The following HECW2 variants were observed in gnomAD, a reference collection of about 807,000 sequenced individuals.
HECW2 encodes E3 ubiquitin-protein ligase HECW2.
In HECW2, 61 loss-of-function variants were observed where a neutral mutation model predicts 175.2. The ratio of observed to expected loss-of-function variants is 0.35; its 90% CI spans 0.28 to 0.43. The LOEUF (loss-of-function observed/expected upper bound fraction) is 0.43. HECW2 is among the 20% of genes least tolerant of loss of function. The pLI, the probability that HECW2 is intolerant of heterozygous loss-of-function variation, is 1.00. For missense variants in HECW2, 1,524 were observed against 2,000.5 expected (o/e 0.76, Z 4.54); for synonymous variants, 671 against 731.0 (o/e 0.92, Z 1.32).
intron 14 of HECW2, among the ~76,000 whole-genome samples, chr2:196,287,637 T>A (rs1232594082): frequency 6.6e-6 from 1 of 152,252 alleles, no homozygotes; most frequent in Non-Finnish European, 1.5e-5. Context: ...TTTCTCATTA[T>A]CCAAGTCATC....
intron 1 of HECW2, among the ~76,000 whole-genome samples, chr2:196,569,207 T>C (rs1690289126): frequency 6.6e-6 from 1 of 152,122 alleles, no homozygotes; most frequent in African/African-American, 2.4e-5. Flanking sequence ...CTAGGCATGG[T>C]GGTACACATC....
At chr2:196,405,283 C>A (rs903659819) in intron 2 of HECW2, among the ~76,000 whole-genome samples, 2 of 152,106 alleles carry the variant, frequency 1.3e-5, no homozygotes, top group Non-Finnish European at 2.9e-5. Flanking sequence ...CACAAGCATG[C>A]TCATGAGTCT....
intron 2 of HECW2, among the ~76,000 whole-genome samples, chr2:196,389,612 A>G (rs1694448895): frequency 6.6e-6 from 1 of 152,206 alleles, no homozygotes; most frequent in African/African-American, 2.4e-5. Flanking sequence ...CTGCCTCTGC[A>G]AGAGTCTTGA....
intron 15 of HECW2, 122 bp downstream of exon 15, chr2:196,278,406 A>T: frequency 9.1e-7 from 1 of 1,099,978 alleles, no homozygotes; most frequent in Non-Finnish European, 1.3e-6. Context: ...TCAGCCTCTA[A>T]ATCAAACTCA....
chr2:196,345,517 C>T, intron 2 of HECW2, among the ~76,000 whole-genome samples: 1 of 152,322 alleles, frequency 6.6e-6, no homozygotes, highest in South Asian at 2.1e-4. Context: ...TTTTGCTCTT[C>T]CCTGTCCCCT....
intron 2 of HECW2, among the ~76,000 whole-genome samples, chr2:196,389,989 T>A (rs1201506066): frequency 1.3e-5 from 2 of 152,178 alleles, no homozygotes; most frequent in African/African-American, 4.8e-5. Context: ...GTTCAGGACC[T>A]CTTTAGATAC....
chr2:196,460,486 CTTT>C (rs3082153), intron 1 of HECW2, among the ~76,000 whole-genome samples: 3,944 of 142,918 alleles, frequency 0.028, 168 homozygotes, highest in African/African-American at 0.086. Context: ...CCGATTAAAC[CTTT>C]TTTTTTTTTT....
chr2:196,343,143 G>A (rs1692824177), intron 3 of HECW2, among the ~76,000 whole-genome samples: 1 of 151,912 alleles, frequency 6.6e-6, no homozygotes, highest in African/African-American at 2.4e-5. Context: ...ATCCACGGGG[G>A]ATTCGTTCCA....
chr2:196,359,134 T>G (rs1475489281), intron 2 of HECW2, among the ~76,000 whole-genome samples: 1 of 152,132 alleles, frequency 6.6e-6, no homozygotes, highest in African/African-American at 2.4e-5. Flanking sequence ...ACACCCTCCT[T>G]TCTTTCCTCT....
At chr2:196,224,090 TGATGGGGTAGAGTAGA>T (rs1248431091) in intron 23 of HECW2, among the ~76,000 whole-genome samples, 1 of 152,094 alleles carries the variant, frequency 6.6e-6, no homozygotes, top group Non-Finnish European at 1.5e-5. Context: ...ACCCTGGGAA[TGATGGGGTAGAGTAGA>T]GATGGGGAAG....
chr2:196,320,567 G>C (rs1437628454), intron 7 of HECW2, 128 bp from the exon 8 acceptor site: 1 of 578,254 alleles, frequency 1.7e-6, no homozygotes, highest in Admixed American at 2.6e-5. Context: ...AACATTAAAG[G>C]CTCAAAGCCC....
chr2:196,580,803 G>A (rs974969928), intron 1 of HECW2, among the ~76,000 whole-genome samples: 1 of 152,034 alleles, frequency 6.6e-6, no homozygotes, highest in Non-Finnish European at 1.5e-5. Context: ...CTATATATAT[G>A]CAAAAGAACT....
At chr2:196,364,997 T>C (rs558881505) in intron 2 of HECW2, among the ~76,000 whole-genome samples, 5 of 152,292 alleles carry the variant, frequency 3.3e-5, no homozygotes, top group Non-Finnish European at 7.4e-5. Flanking sequence ...ATGGAAATTA[T>C]CCCCCAATTA....
Position 196,245,108 on chromosome 2 carries a change from T to C in HECW2, c.3530-2904A>G, listed in dbSNP as rs575167861. On this transcript the variant is annotated intron_variant, in intron 19 of 28. Coordinates refer to ENST00000644978, the MANE Select transcript of HECW2 (RefSeq NM_001348768.2). ...GAGTGACTCAGAGAAACATCTACAATGTGAAATATGCACTGGGAAAAGAAT... is the reference window on the plus strand; with the variant it reads ...GAGTGACTCAGAGAAACATCTACAACGTGAAATATGCACTGGGAAAAGAAT... 7.9e-5 allele frequency among the ~76,000 whole-genome samples: 12 copies of C among 152,280 alleles called. No homozygotes were observed. The South Asian group carries it at 2.3e-3, about 29-fold the overall frequency.
Position 196,433,033 on chromosome 2 carries a change from T to A in HECW2, c.292+99A>T, listed in dbSNP as rs1472464215. ...AGAATCTGCTATGTGTATATGTGCATGTGAATTTTTTTCCAGAAGAAAATA... is the reference window on the plus strand; with the variant it reads ...AGAATCTGCTATGTGTATATGTGCAAGTGAATTTTTTTCCAGAAGAAAATA... On this transcript the variant is annotated intron_variant, in intron 2 of 28. Transcript: ENST00000644978. 3 of 1,099,480 alleles carry A rather than the reference T, an allele frequency of 2.7e-6. No homozygotes were observed. In the East Asian group the frequency reaches 7.2e-5, roughly 26 times the overall value. The allele number at this position is 1,099,480 out of a possible 1,614,324, so 68.1% of individuals were successfully genotyped here. A position where few individuals can be genotyped will look rare whatever the true frequency, so the allele number is the denominator to read the frequency against.
At chr2:196,411,089 C>G (rs2125227244) in intron 2 of HECW2, among the ~76,000 whole-genome samples, 1 of 152,366 alleles carries the variant, frequency 6.6e-6, no homozygotes, top group East Asian at 1.9e-4. Flanking sequence ...GCCTTGACCT[C>G]TCAGGCTCAA....
chr2:196,380,050 G>A (rs1193933243), intron 2 of HECW2, among the ~76,000 whole-genome samples: 3 of 152,168 alleles, frequency 2.0e-5, no homozygotes, highest in African/African-American at 7.2e-5. Context: ...ATAATATTAA[G>A]CATAATAAAG....
Position 196,319,152 on chromosome 2 carries a change from C to A in HECW2, c.1738G>T (p.Ala580Ser). ...GATGCATCGGAAGTCCCTGTGTCTG[C>A]GCCACTTGTGGGCTGATCTACCTCT... ...SQEVDQPTSG[A>S]DTGTSDASGG... Residue 580 changes from alanine to serine, a missense_variant, in exon 9 of 29, where the codon GCA becomes TCA. By Grantham distance (99) the Ala-to-Ser change is moderately conservative (BLOSUM62 1). This residue lies in a region of HECW2 where 604 missense variants were observed against 588.3 expected (regional missense o/e 1.03). Transcript: ENST00000644978. The A allele has an allele frequency of 6.3e-7, 1 of 1,593,898 alleles. No individual in the cohort carries two copies. Among genetic ancestry groups the A allele is most frequent in the Non-Finnish European group, 8.6e-7 (1 of 1,169,216 alleles).
At chr2:196,429,293 A>G (rs1030401267) in intron 2 of HECW2, among the ~76,000 whole-genome samples, 3 of 152,130 alleles carry the variant, frequency 2.0e-5, no homozygotes, top group Non-Finnish European at 2.9e-5. Flanking sequence ...CAATGACCCT[A>G]TCAGGGTTCT....
Sources: gnomAD v4.1 joint callset for allele counts (sites outside exome capture counted in the v4.1 genomes callset) on GRCh38, gnomAD v4.1.1 for gene constraint, gnomAD v4.1.1 regional missense constraint, MANE v1.5 for transcripts, NCBI Gene and HGNC (gene_info 2026-07-23, HGNC 2026-07-21) for gene names.